Variants in CAMTA1 observed in about 807,000 individuals in gnomAD.
The protein encoded by CAMTA1 is calmodulin-binding transcription activator 1.
A neutral mutation model predicts 170.9 loss-of-function variants in CAMTA1; 27 were observed. That is an observed-to-expected ratio of 0.16 (90% CI 0.12 to 0.22). The LOEUF is 0.22. Ranked by LOEUF, CAMTA1 falls within the 10% of genes least tolerant of loss-of-function variation. CAMTA1 has a pLI of 1.00. For synonymous variants in CAMTA1, 833 were observed against 891.5 expected (o/e 0.93, Z 1.17); for missense variants, 1,619 against 2,217.2 (o/e 0.73, Z 5.42).
In CAMTA1 at chr1:7,088,806, T is replaced by C. The variant is rs534630789; in HGVS notation, c.235-2498T>C. On this transcript the variant is annotated intron_variant, in intron 3 of 22. Coordinates refer to ENST00000303635, the MANE Select transcript of CAMTA1 (RefSeq NM_015215.4). ...AGCTGGCACAGCCTATTCCTCTGGA[T>C]ACCAGATCTCCTGAAGTTCAGGTAG... 1.2e-4 allele frequency among the ~76,000 whole-genome samples: 18 copies of C among 152,324 alleles called. No individual in the cohort carries two copies. In the East Asian group the frequency reaches 3.5e-3, roughly 29 times the overall value.
In CAMTA1 at chr1:7,565,256, C is replaced by G. The variant is rs2095025342; in HGVS notation, c.511-75144C>G. The stretch of plus-strand genomic sequence containing the variant: ...GAAGCACCCAGAGAGATGTAGCTGC[C>G]ATAAAGGGCTGGAGAAGTGGGCGCT... On this transcript the variant is annotated intron_variant, in intron 6 of 22. Transcript: ENST00000303635. The surrounding 1 kb of genome is among the most constrained non-coding windows in gnomAD (Gnocchi z 4.5). 1.3e-5 allele frequency among the ~76,000 whole-genome samples: 2 copies of G among 152,152 alleles called. No homozygotes were observed. Among genetic ancestry groups the G allele is most frequent in the Non-Finnish European group, 2.9e-5 (2 of 68,026 alleles).
intron 6 of CAMTA1, among the ~76,000 whole-genome samples, chr1:7,601,677 G>A (rs1015547357): frequency 2.7e-4 from 41 of 152,384 alleles, no homozygotes; most frequent in Admixed American, 1.3e-3. Context: ...ACGCGACTCC[G>A]TCTGCAATCC....
intron 6 of CAMTA1, among the ~76,000 whole-genome samples, chr1:7,499,102 AGT>A (rs1330809892): frequency 1.1e-4 from 14 of 122,800 alleles, no homozygotes. Context: ...TGTGTCCATG[AGT>A]GAGTGTGTAG....
At chr1:7,431,606 G>A (rs991201010) in intron 5 of CAMTA1, among the ~76,000 whole-genome samples, 2 of 152,168 alleles carry the variant, frequency 1.3e-5, no homozygotes, top group African/African-American at 4.8e-5. Flanking sequence ...CCACTTTGGG[G>A]TGGGCGCCAG....
In CAMTA1 at chr1:6,928,000, ATC is replaced by A. The variant is rs564478116; in HGVS notation, c.234+102795_234+102796del. Among the ~76,000 whole-genome samples the A allele has an allele frequency of 1.2e-3, 179 of 151,738 alleles. 5 individuals are homozygous for A. The South Asian group carries it at 0.037, about 32-fold the overall frequency. Reference sequence around the variant, plus strand: ...TTCTTCCTGCCTCCCTCCTCCCACAATCTCTCAGGACAGGAGGGGCCAGGCTC... The same window carrying A: ...TTCTTCCTGCCTCCCTCCTCCCACAATCTCAGGACAGGAGGGGCCAGGCTC... On this transcript the variant is annotated intron_variant, in intron 3 of 22. Coordinates refer to ENST00000303635, the MANE Select transcript of CAMTA1 (RefSeq NM_015215.4).
chr1:7,477,956 C>T (rs180931780), intron 6 of CAMTA1, among the ~76,000 whole-genome samples: 22 of 152,346 alleles, frequency 1.4e-4, no homozygotes, highest in Non-Finnish European at 2.8e-4. Flanking sequence ...GAATTCATCA[C>T]CACCCTTATG....
At chr1:7,077,180 C>T (rs572402899) in intron 3 of CAMTA1, among the ~76,000 whole-genome samples, 5 of 151,040 alleles carry the variant, frequency 3.3e-5, no homozygotes, top group Non-Finnish European at 7.4e-5. Context: ...TGGCTGAAAT[C>T]CCTGTGTTTT....
intron 5 of CAMTA1, among the ~76,000 whole-genome samples, chr1:7,318,332 TG>T (rs1279342481): frequency 1.3e-5 from 2 of 152,240 alleles, no homozygotes; most frequent in Admixed American, 6.5e-5. Flanking sequence ...GGTCAGTGAC[TG>T]GTTGGCTGGA....
intron 5 of CAMTA1, among the ~76,000 whole-genome samples, chr1:7,412,613 T>C (rs1370977420): frequency 6.6e-6 from 1 of 151,608 alleles, no homozygotes; most frequent in Admixed American, 6.6e-5. Context: ...GTTGTTTTTT[T>C]CTTGTAAATT....
intron 3 of CAMTA1, among the ~76,000 whole-genome samples, chr1:6,841,109 T>A (rs182580984): frequency 6.6e-6 from 1 of 152,326 alleles, no homozygotes; most frequent in South Asian, 2.1e-4. Context: ...TCCTTCATCC[T>A]TGATGCCAGC....
chr1:7,366,184 T>C (rs894799776), intron 5 of CAMTA1, among the ~76,000 whole-genome samples: 1 of 152,204 alleles, frequency 6.6e-6, no homozygotes, highest in Non-Finnish European at 1.5e-5. Flanking sequence ...TGGGGAGTTT[T>C]ATCAGCGAGT....
At chr1:6,930,571 G>A (rs1684220145) in intron 3 of CAMTA1, among the ~76,000 whole-genome samples, 1 of 152,142 alleles carries the variant, frequency 6.6e-6, no homozygotes, top group South Asian at 2.1e-4. Context: ...TAGGGGTTCG[G>A]CCCTCATCAC....
intron 6 of CAMTA1, among the ~76,000 whole-genome samples, chr1:7,575,442 G>A (rs1218026589): frequency 2.6e-5 from 4 of 152,160 alleles, no homozygotes; most frequent in Non-Finnish European, 5.9e-5. Flanking sequence ...TGTTTCTTAG[G>A]GGCAGAATCC....
intron 11 of CAMTA1, among the ~76,000 whole-genome samples, chr1:7,714,082 A>G (rs1435661054): frequency 6.6e-6 from 1 of 152,196 alleles, no homozygotes; most frequent in African/African-American, 2.4e-5. Flanking sequence ...GATATTATCT[A>G]TGCAAGACAC....
chr1:7,033,594 T>TC (rs1414551996), intron 3 of CAMTA1, among the ~76,000 whole-genome samples: 1 of 141,586 alleles, frequency 7.1e-6, no homozygotes, highest in African/African-American at 2.7e-5. Context: ...TATTCTTTTT[T>TC]TTTTTTTTTT....
At chr1:7,377,236 G>A (rs1480580164) in intron 5 of CAMTA1, among the ~76,000 whole-genome samples, 2 of 152,194 alleles carry the variant, frequency 1.3e-5, no homozygotes. Context: ...AAGGCACTGG[G>A]AATACAGCAG....
intron 5 of CAMTA1, among the ~76,000 whole-genome samples, chr1:7,334,858 A>G (rs549472509): frequency 1.3e-5 from 2 of 152,264 alleles, no homozygotes; most frequent in South Asian, 2.1e-4. Context: ...TTTGAAAGCA[A>G]TGCATCAGTA....
intron 6 of CAMTA1, among the ~76,000 whole-genome samples, chr1:7,499,713 TG>T (rs2093943166): frequency 6.9e-6 from 1 of 145,818 alleles, no homozygotes; most frequent in Non-Finnish European, 1.5e-5. Flanking sequence ...TATGAGTGTG[TG>T]TGTGCATGTG....
chr1:6,987,829 C>A (rs1446635711), intron 3 of CAMTA1, among the ~76,000 whole-genome samples: 2 of 152,104 alleles, frequency 1.3e-5, no homozygotes, highest in Non-Finnish European at 2.9e-5. Context: ...ATCACTCCTT[C>A]CTTCCCCCTC....
Sources: gnomAD v4.1 joint callset for allele counts (sites outside exome capture counted in the v4.1 genomes callset) on GRCh38, gnomAD v4.1.1 for gene constraint, Gnocchi (gnomAD v3.1) non-coding constraint, MANE v1.5 for transcripts, NCBI Gene and HGNC (gene_info 2026-07-23, HGNC 2026-07-21) for gene names.